Variants in HMCN1 observed in about 807,000 individuals in gnomAD.
HMCN1 encodes hemicentin-1.
Under a neutral mutation model 625.9 loss-of-function variants are expected in HMCN1, and 321 were observed. That is an observed-to-expected ratio of 0.51 (90% CI 0.47 to 0.56). The LOEUF (loss-of-function observed/expected upper bound fraction) is 0.56, where lower values mean the gene tolerates loss of function less well. HMCN1 is among the 20% of genes least tolerant of loss of function. HMCN1 has a pLI of 0.00. For synonymous variants in HMCN1, 2,425 were observed against 2,417.6 expected (o/e 1.00, Z -0.09); for missense variants, 6,588 against 6,887.3 (o/e 0.96, Z 1.54).
chr1:185,902,419 CTATCTATCTA>C (rs1558053141), intron 4 of HMCN1, among the ~76,000 whole-genome samples: 18 of 135,148 alleles, frequency 1.3e-4, no homozygotes, highest in African/African-American at 6.5e-4. Flanking sequence ...ATCTATCTAT[CTATCTATCTA>C]TCTATCTATC....
Position 186,019,679 on chromosome 1 carries a change from C to T in HMCN1, c.5609C>T (p.Ala1870Val). 2 of 1,611,676 alleles carry T rather than the reference C, an allele frequency of 1.2e-6. No homozygotes were observed. Among genetic ancestry groups the T allele is most frequent in the Non-Finnish European group, 8.5e-7 (1 of 1,178,260 alleles). ...WLKDDQPVNT[A>V]QGNLKIQSSG... ...AAAGATGACCAGCCTGTGAACACTG[C>T]CCAAGGAAACCTTAAAGTAAGTGTA... The change falls in exon 35 of 107, where the codon GCC (alanine) becomes GTC (valine). Residue 1870 changes from alanine (A) to valine (V), a missense_variant. By Grantham distance (64) the Ala-to-Val change is moderately conservative. This residue lies in a region of HMCN1 where 4,628 missense variants were observed against 4,853.1 expected (regional missense o/e 0.95). Coordinates refer to ENST00000271588, the MANE Select transcript of HMCN1 (RefSeq NM_031935.3).
At chr1:186,107,840 G>A (rs1660684039) in intron 70 of HMCN1, among the ~76,000 whole-genome samples, 1 of 152,016 alleles carries the variant, frequency 6.6e-6, no homozygotes, top group Non-Finnish European at 1.5e-5. Context: ...TCCTAGAAGA[G>A]TTGGGCCAGT....
intron 4 of HMCN1, among the ~76,000 whole-genome samples, chr1:185,892,098 T>C (rs1051723308): frequency 0.025 from 3,629 of 143,084 alleles, 246 homozygotes; most frequent in African/African-American, 0.1. Context: ...TCCAGTTGAT[T>C]GCATCGGGTC....
chr1:185,859,251 T>C (rs939180387), intron 2 of HMCN1, among the ~76,000 whole-genome samples: 1 of 152,046 alleles, frequency 6.6e-6, no homozygotes, highest in Admixed American at 6.6e-5. Context: ...AAATTTTGCC[T>C]CTAATAACTT....
rs188736523 is a variant in HMCN1 at position 186,190,640 on chromosome 1, G to A, written c.*762G>A. On this transcript the variant is annotated 3_prime_UTR_variant, in exon 107 of 107. Transcript: ENST00000271588. ...ATCCAGTTAGCTTCATAACTTTTACGTTCCAGAATTTTGTTTATTTTCCTG... is the reference window on the plus strand; with the variant it reads ...ATCCAGTTAGCTTCATAACTTTTACATTCCAGAATTTTGTTTATTTTCCTG... 17 of 191,500 alleles carry A rather than the reference G, an allele frequency of 8.9e-5. 1 individual carries two copies. Among genetic ancestry groups the A allele is most frequent in the African/African-American group, 9.3e-5 (4 of 42,964 alleles). 11.9% of individuals were successfully genotyped at this position (191,500 alleles called of 1,614,324 possible).
intron 10 of HMCN1, among the ~76,000 whole-genome samples, chr1:185,931,906 C>T (rs1433906453): frequency 2.6e-5 from 4 of 152,152 alleles, no homozygotes; most frequent in African/African-American, 9.7e-5. Flanking sequence ...ATTGGCTTAT[C>T]TAAAGTCACA....
At position 186,103,981 on chromosome 1, in the gene HMCN1, A is replaced by T. The variant is rs1369586340; in HGVS notation, c.10770+313A>T. Among the ~76,000 whole-genome samples, 4 of 152,324 alleles carry T rather than the reference A, an allele frequency of 2.6e-5. No homozygotes were observed. The East Asian group carries it at 7.7e-4, about 29-fold the overall frequency. ...CTATGTACCCCTTAATGGAACTGGC[A>T]AAAAGCAATCCAACATGCATATATA... On this transcript the variant is annotated intron_variant, in intron 69 of 106. Coordinates refer to ENST00000271588, the MANE Select transcript of HMCN1 (RefSeq NM_031935.3).
intron 42 of HMCN1, among the ~76,000 whole-genome samples, chr1:186,049,053 G>A (rs1656772647): frequency 6.6e-6 from 1 of 151,976 alleles, no homozygotes; most frequent in Admixed American, 6.6e-5. Context: ...GATGTTGAAG[G>A]ATTCTCCTCA....
rs147825604 is a variant in HMCN1, at chr1:185,911,991, C to T, written c.900+211C>T. 7.3e-3 allele frequency among the ~76,000 whole-genome samples: 1,108 copies of T among 152,192 alleles called. 8 individuals carry two copies. The highest frequency in any genetic ancestry group is 0.01 in the Non-Finnish European group (701 of 67,976). On this transcript the variant is annotated intron_variant, in intron 6 of 106. Coordinates refer to ENST00000271588, the MANE Select transcript of HMCN1 (RefSeq NM_031935.3). ...GACCATGAATGTCATCATTGCCACA[C>T]GATACACTTACAATTCTCAGATAGT... is the stretch of plus-strand genomic sequence containing the variant.
At chr1:186,071,511 C>G (rs372195844) in intron 52 of HMCN1, among the ~76,000 whole-genome samples, 1 of 152,122 alleles carries the variant, frequency 6.6e-6, no homozygotes, top group Admixed American at 6.6e-5. Flanking sequence ...CTGTTAACAC[C>G]GTACTTAATA....
At chr1:186,137,011 T>A in intron 87 of HMCN1, 74 bp downstream of exon 87, 1 of 1,542,146 alleles carries the variant, frequency 6.5e-7, no homozygotes, top group South Asian at 1.1e-5. Flanking sequence ...TATTAAGCAC[T>A]TTAGTCCAAG....
chr1:185,923,864 C>A (rs1412089873), intron 8 of HMCN1, among the ~76,000 whole-genome samples: 4 of 152,188 alleles, frequency 2.6e-5, no homozygotes, highest in Non-Finnish European at 5.9e-5. Context: ...TCACTGATTG[C>A]AGATCTGAGA....
intron 30 of HMCN1, among the ~76,000 whole-genome samples, chr1:186,013,126 C>A (rs925072630): frequency 6.6e-6 from 1 of 151,950 alleles, no homozygotes; most frequent in Non-Finnish European, 1.5e-5. Flanking sequence ...ATGAGAATAC[C>A]GTATTTGGTT....
chr1:186,000,098 A>G lies in HMCN1; in HGVS notation c.3928A>G (p.Arg1310Gly). The change falls in exon 26 of 107, where the codon AGA becomes GGA. Residue 1310 changes from arginine to glycine, a missense_variant. Physicochemically the swap from Arg to Gly is moderately radical, Grantham distance 125 (BLOSUM62 -2). Around this residue, in one of 3 missense-constraint regions of HMCN1, gnomAD observed 4,628 missense variants for 4,853.1 expected, o/e 0.95. Coordinates refer to ENST00000271588, the MANE Select transcript of HMCN1 (RefSeq NM_031935.3). ...WLHNGRELTG[R>G]EPGISILEDG... ...ACACAATGGTAGAGAGTTGACAGGC[A>G]GAGAGCCTGGCATTTCTATCTTGGA... is the stretch of plus-strand genomic sequence containing the variant. 3 of 1,613,146 alleles carry G rather than the reference A, an allele frequency of 1.9e-6. No individual in the cohort carries two copies. The highest frequency in any genetic ancestry group is 8.5e-7 in the Non-Finnish European group (1 of 1,179,340).
intron 1 of HMCN1, among the ~76,000 whole-genome samples, chr1:185,750,184 G>A (rs187918282): frequency 3.3e-5 from 5 of 152,264 alleles, no homozygotes; most frequent in Admixed American, 3.3e-4. Context: ...GTATTTGGTA[G>A]AGCCTCATGT....
At chr1:185,783,268 T>C (rs1657278605) in intron 1 of HMCN1, among the ~76,000 whole-genome samples, 1 of 152,228 alleles carries the variant, frequency 6.6e-6, no homozygotes, top group African/African-American at 2.4e-5. Context: ...TCAAGGTTTT[T>C]AGCTTCTTTG....
At chr1:185,854,425 C>T (rs761016451) in intron 2 of HMCN1, among the ~76,000 whole-genome samples, 35 of 152,126 alleles carry the variant, frequency 2.3e-4, no homozygotes, top group Non-Finnish European at 4.9e-4. Flanking sequence ...CTGAGTAACA[C>T]TAGTTAAAGA....
intron 89 of HMCN1, 136 bp from the exon 90 acceptor site, chr1:186,144,037 T>C: frequency 2.8e-6 from 2 of 712,482 alleles, no homozygotes; most frequent in Non-Finnish European, 4.4e-6. Flanking sequence ...TCATTTGTTA[T>C]GTTTCATTTG....
chr1:186,070,872 T>C, intron 52 of HMCN1, 115 bp downstream of exon 52: 1 of 1,051,678 alleles, frequency 9.5e-7, no homozygotes, highest in Non-Finnish European at 1.5e-6. Context: ...ATCTTAAAAC[T>C]AGCAAATGCC....
Sources: allele counts gnomAD v4.1 joint callset (sites outside exome capture counted in the v4.1 genomes callset), GRCh38; gene constraint gnomAD v4.1.1; regional missense constraint gnomAD v4.1.1; transcripts MANE v1.5; gene names NCBI Gene and HGNC (gene_info 2026-07-23, HGNC 2026-07-21).